The following KCNQ1 variants were observed in gnomAD, a reference collection of about 807,000 sequenced individuals.
KCNQ1 encodes potassium voltage-gated channel subfamily Q member 1.
A neutral mutation model predicts 72.4 loss-of-function variants in KCNQ1; 49 were observed. That is an observed-to-expected ratio of 0.68 (90% CI 0.54 to 0.86). The LOEUF (loss-of-function observed/expected upper bound fraction) is 0.86, where lower values mean the gene tolerates loss of function less well. Among genes scored for constraint, KCNQ1 ranks in the 40% least tolerant of loss-of-function variants. The probability of loss-of-function intolerance (pLI) is 0.00; values close to 1 mark genes in which losing one functional copy is unlikely to be tolerated. For synonymous variants in KCNQ1, 450 were observed against 412.6 expected (o/e 1.09, Z -1.10); for missense variants, 790 against 945.1 (o/e 0.84, Z 2.15).
chr11:2,796,125 C>T (rs1234799502), intron 15 of KCNQ1, among the ~76,000 whole-genome samples: 2 of 152,218 alleles, frequency 1.3e-5, no homozygotes, highest in East Asian at 3.8e-4. Context: ...TGGCTTATGG[C>T]GCAATGCACT....
Position 2,611,831 on chromosome 11 carries a change from C to A in KCNQ1, c.1393+22977C>A. 5.0e-6 allele frequency: 2 copies of A among 398,330 alleles called. No homozygotes were observed. The highest frequency in any genetic ancestry group is 2.6e-4 in the South Asian group (2 of 7,826). The allele number at this position is 398,330 out of a possible 1,614,324, so 24.7% of individuals were successfully genotyped here. ...CTTCTGCAGGTTGAATAGATATGTT[C>A]TAGAGTACCATTCTAATTCCTTTGT... On this transcript the variant is annotated intron_variant, in intron 10 of 15. Transcript: ENST00000155840. The surrounding 1 kb of genome is among the most constrained non-coding windows in gnomAD (Gnocchi z 5.3).
chr11:2,761,993 G>T (rs1486399498), intron 11 of KCNQ1, among the ~76,000 whole-genome samples: 1 of 152,250 alleles, frequency 6.6e-6, no homozygotes, highest in Non-Finnish European at 1.5e-5. Flanking sequence ...TGGATGTGGG[G>T]CCGCATCCAG....
chr11:2,662,563 G>A (rs2133857074), intron 11 of KCNQ1: 1 of 426,764 alleles, frequency 2.3e-6, no homozygotes, highest in East Asian at 3.3e-5. Flanking sequence ...TTCCCCTGAG[G>A]CACAGCTGGC....
intron 2 of KCNQ1, among the ~76,000 whole-genome samples, chr11:2,560,798 G>A (rs1848153227): frequency 6.6e-6 from 1 of 152,058 alleles, no homozygotes; most frequent in Admixed American, 6.6e-5. Context: ...GCGGGCCCCT[G>A]ACTTTAGGGC....
chr11:2,784,993 T>A lies in KCNQ1; in HGVS notation c.1794+6956T>A, dbSNP rs1846885750. 6.6e-6 allele frequency among the ~76,000 whole-genome samples: 1 copy of A among 152,046 alleles called. No individual in the cohort carries two copies. Among genetic ancestry groups the A allele is most frequent in the South Asian group, 2.1e-4 (1 of 4,832 alleles). On this transcript the variant is annotated intron_variant, in intron 15 of 15. Coordinates refer to ENST00000155840, the MANE Select transcript of KCNQ1 (RefSeq NM_000218.3). This position sits in a 1 kb window ranked among gnomAD's most constrained non-coding sequence, Gnocchi z 4.7. ...GCAATAAAGACAATTTTTACTTCTT[T>A]CCAGTCAGATGCCTTTAATTTCTTT...
chr11:2,573,953 G>A (rs1006315859), intron 6 of KCNQ1, among the ~76,000 whole-genome samples: 8 of 152,236 alleles, frequency 5.3e-5, no homozygotes, highest in African/African-American at 1.2e-4. Flanking sequence ...CTCAGAGGAC[G>A]CTGGCTGAGG....
Position 2,715,348 on chromosome 11 carries a change from G to T in KCNQ1, c.1514+53267G>T, listed in dbSNP as rs886910851. Reference sequence around the variant, plus strand: ...CATGGAGGGCCCTTACCCCGGAGGAGCCAGGAAGGTGGACAGAGCAGGCAG... The same window carrying T: ...CATGGAGGGCCCTTACCCCGGAGGATCCAGGAAGGTGGACAGAGCAGGCAG... On this transcript the variant is annotated intron_variant, in intron 11 of 15. Transcript: ENST00000155840. This position sits in a 1 kb window ranked among gnomAD's most constrained non-coding sequence, Gnocchi z 4.9. Among the ~76,000 whole-genome samples the T allele has an allele frequency of 1.3e-5, 2 of 152,096 alleles. No homozygotes were observed. Among genetic ancestry groups the T allele is most frequent in the Non-Finnish European group, 2.9e-5 (2 of 68,010 alleles).
At position 2,721,864 on chromosome 11, in the gene KCNQ1, G is replaced by A. The variant is rs533606319; in HGVS notation, c.1515-46980G>A. The stretch of plus-strand genomic sequence containing the variant: ...ATCTGTCCCTTGGCCCCTTTAAGAG[G>A]CCTTGTCCCCTTTGCCAGTGCAGGG... On this transcript the variant is annotated intron_variant, in intron 11 of 15. Transcript: ENST00000155840. 2.2e-4 allele frequency among the ~76,000 whole-genome samples: 33 copies of A among 152,338 alleles called. No individual in the cohort carries two copies. The East Asian group carries it at 4.1e-3, about 19-fold the overall frequency.
intron 2 of KCNQ1, among the ~76,000 whole-genome samples, chr11:2,561,251 C>T (rs1205662053): frequency 6.6e-6 from 1 of 151,956 alleles, no homozygotes; most frequent in Non-Finnish European, 1.5e-5. Context: ...CAGGGTGGAG[C>T]TGTGGACAGA....
chr11:2,775,171 G>C (rs1846669439), intron 12 of KCNQ1, among the ~76,000 whole-genome samples: 1 of 152,250 alleles, frequency 6.6e-6, no homozygotes, highest in African/African-American at 2.4e-5. Flanking sequence ...CAGCCTGGCT[G>C]CTCCACCTGA....
rs1847595980 is a variant in KCNQ1, at chr11:2,815,486, A to C, written c.1795-32281A>C. ...GAGGTCCTGGGAGCCCACCTCCTGT[A>C]GATCCAAACACCTGATCTCAGCTCA... On this transcript the variant is annotated intron_variant, in intron 15 of 15. Coordinates refer to ENST00000155840, the MANE Select transcript of KCNQ1 (RefSeq NM_000218.3). This position sits in a 1 kb window ranked among gnomAD's most constrained non-coding sequence, Gnocchi z 5.4. Among the ~76,000 whole-genome samples, 2 of 152,102 alleles carry C rather than the reference A, an allele frequency of 1.3e-5. No homozygotes were observed. The highest frequency in any genetic ancestry group is 6.5e-5 in the Admixed American group (1 of 15,286).
chr11:2,661,801 A>C lies in KCNQ1; in HGVS notation c.1394-160A>C. 2.5e-6 allele frequency: 2 copies of C among 797,102 alleles called. No individual in the cohort carries two copies. Among genetic ancestry groups the C allele is most frequent in the Non-Finnish European group, 4.2e-6 (2 of 479,324 alleles). The allele number at this position is 797,102 out of a possible 1,614,324, so 49.4% of individuals were successfully genotyped here. On this transcript the variant is annotated intron_variant, in intron 10 of 15. Transcript: ENST00000155840. The surrounding 1 kb of genome is among the most constrained non-coding windows in gnomAD (Gnocchi z 5.9). ...CACTTTGGGGCCATCTTAAACACCC[A>C]CCCACCCCAACACCCAACTATAAAA...
intron 10 of KCNQ1, chr11:2,641,612 C>T (rs1419478310): frequency 2.5e-6 from 1 of 398,216 alleles, no homozygotes; most frequent in Non-Finnish European, 4.4e-6. Context: ...TGATTGTTTC[C>T]CTTGTTGTGT....
chr11:2,736,784 G>A (rs570941549), intron 11 of KCNQ1, among the ~76,000 whole-genome samples: 2 of 152,364 alleles, frequency 1.3e-5, no homozygotes, highest in African/African-American at 4.8e-5. Context: ...CTGGCTGGCT[G>A]GCATGCGCCC....
In KCNQ1 at chr11:2,486,260, A is replaced by T. The variant is rs1307234413; in HGVS notation, c.386+40776A>T. Among the ~76,000 whole-genome samples, 2 of 152,176 alleles carry T rather than the reference A, an allele frequency of 1.3e-5. No individual in the cohort carries two copies. Among genetic ancestry groups the T allele is most frequent in the African/African-American group, 4.8e-5 (2 of 41,444 alleles). ...TTTCTTATGAGTAGTGATGTTGAGTATCTTTTCATGCTCTTATTAGCCATT... is the reference window on the plus strand; with the variant it reads ...TTTCTTATGAGTAGTGATGTTGAGTTTCTTTTCATGCTCTTATTAGCCATT... On this transcript the variant is annotated intron_variant, in intron 1 of 15. Coordinates refer to ENST00000155840, the MANE Select transcript of KCNQ1 (RefSeq NM_000218.3). This position sits in a 1 kb window ranked among gnomAD's most constrained non-coding sequence, Gnocchi z 5.0.
chr11:2,662,417 T>C, intron 11 of KCNQ1: 1 of 502,754 alleles, frequency 2.0e-6, no homozygotes, highest in Non-Finnish European at 3.5e-6. Context: ...CGACTTTGTT[T>C]TTTAGCATTT....
At chr11:2,643,898 T>C (rs1390763263) in intron 10 of KCNQ1, 2 of 398,470 alleles carry the variant, frequency 5.0e-6, no homozygotes, top group African/African-American at 4.1e-5. Context: ...TTTGGTTTTG[T>C]TTTTTCTTTC....
rs1846068082 is a variant in KCNQ1, at chr11:2,447,967, G to A, written c.386+2483G>A. Among the ~76,000 whole-genome samples, 1 of 152,164 alleles carries A rather than the reference G, an allele frequency of 6.6e-6. No homozygotes were observed. The highest frequency in any genetic ancestry group is 2.4e-5 in the African/African-American group (1 of 41,438). ...CCTGTGTTCCTTCTGGCCTCCCTGGGCTGGCCGGGGTGGACACGGCACCTG... is the reference window on the plus strand; with the variant it reads ...CCTGTGTTCCTTCTGGCCTCCCTGGACTGGCCGGGGTGGACACGGCACCTG... On this transcript the variant is annotated intron_variant, in intron 1 of 15. Transcript: ENST00000155840. The surrounding 1 kb of genome is among the most constrained non-coding windows in gnomAD (Gnocchi z 7.6).
chr11:2,618,929 T>C, intron 10 of KCNQ1: 1 of 398,376 alleles, frequency 2.5e-6, no homozygotes, highest in African/African-American at 2.1e-5. Flanking sequence ...GCAATTTTTT[T>C]GATGCTATCA....
Sources: gnomAD v4.1 joint callset for allele counts (sites outside exome capture counted in the v4.1 genomes callset) on GRCh38, gnomAD v4.1.1 for gene constraint, Gnocchi (gnomAD v3.1) non-coding constraint, MANE v1.5 for transcripts, NCBI Gene and HGNC (gene_info 2026-07-23, HGNC 2026-07-21) for gene names.